Variants in NAALADL2 observed in about 807,000 individuals in gnomAD.
NAALADL2 encodes N-acetylated alpha-linked acidic dipeptidase like 2, also known as inactive N-acetylated-alpha-linked acidic dipeptidase-like protein 2.
Under a neutral mutation model 87.2 loss-of-function variants are expected in NAALADL2, and 76 were observed. The ratio of observed to expected loss-of-function variants is 0.87; its 90% confidence interval spans 0.72 to 1.05. The LOEUF is 1.05. NAALADL2 is among the 50% of genes least tolerant of loss of function. The pLI is 0.00. For synonymous variants in NAALADL2, 354 were observed against 331.0 expected, an observed-to-expected ratio of 1.07 and a Z score of -0.75; for missense variants, 1,089 against 945.8, an observed-to-expected ratio of 1.15 and a Z score of -1.99.
At chr3:174,613,519 C>T (rs1465538447) in intron 2 of NAALADL2, among the ~76,000 whole-genome samples, 2 of 152,194 alleles carry the variant, frequency 1.3e-5, no homozygotes, top group Non-Finnish European at 1.5e-5. Flanking sequence ...TCCACTCTTT[C>T]CTCTTCTTTC....
At chr3:175,308,406 A>G (rs1353499278) in intron 4 of NAALADL2, among the ~76,000 whole-genome samples, 1 of 152,186 alleles carries the variant, frequency 6.6e-6, no homozygotes, top group Non-Finnish European at 1.5e-5. Flanking sequence ...TTAATACAGT[A>G]CCAAAGCAAT....
chr3:175,801,696 T>C (rs7621517), intron 13 of NAALADL2, among the ~76,000 whole-genome samples: 5,962 of 152,160 alleles, frequency 0.039, 396 homozygotes, highest in African/African-American at 0.14. Context: ...CTATAACAAT[T>C]AGAAAAATGT....
At chr3:175,298,056 T>C (rs1302702132) in intron 4 of NAALADL2, among the ~76,000 whole-genome samples, 1 of 152,166 alleles carries the variant, frequency 6.6e-6, no homozygotes, top group Non-Finnish European at 1.5e-5. Context: ...TGTTGAATGA[T>C]AGTTGAATTA....
chr3:175,479,247 A>G (rs747769716), intron 9 of NAALADL2, among the ~76,000 whole-genome samples: 1 of 151,900 alleles, frequency 6.6e-6, no homozygotes, highest in Non-Finnish European at 1.5e-5. Flanking sequence ...ATTTGATTCA[A>G]TGAAAGAAAA....
In NAALADL2 at chr3:175,236,455, A is replaced by T. The variant is rs143670359; in HGVS notation, c.819+2251A>T. On this transcript the variant is annotated intron_variant, in intron 3 of 13. Transcript: ENST00000454872. Reference sequence around the variant, plus strand: ...TCCCAGCTACTCCTGAGGCTGAGGCAGGAGAATCACTGGAGCCCAGGAGGG... The same window carrying T: ...TCCCAGCTACTCCTGAGGCTGAGGCTGGAGAATCACTGGAGCCCAGGAGGG... Among the ~76,000 whole-genome samples the T allele has an allele frequency of 3.2e-3, 488 of 151,002 alleles. 3 individuals carry two copies. Among genetic ancestry groups the T allele is most frequent in the African/African-American group, 0.011 (467 of 41,168 alleles).
chr3:175,183,824 G>T (rs913376930), intron 2 of NAALADL2, among the ~76,000 whole-genome samples: 17 of 152,042 alleles, frequency 1.1e-4, no homozygotes, highest in Non-Finnish European at 5.9e-5. Context: ...TATTTTGATA[G>T]AGTTTGAGTC....
chr3:175,742,692 C>T (rs898186228), intron 12 of NAALADL2, among the ~76,000 whole-genome samples: 13 of 152,136 alleles, frequency 8.5e-5, no homozygotes. Flanking sequence ...CCACCGCGCC[C>T]GGCCCTATGT....
chr3:175,573,210 G>A (rs540160809), intron 9 of NAALADL2, among the ~76,000 whole-genome samples: 2 of 152,280 alleles, frequency 1.3e-5, no homozygotes, highest in South Asian at 2.1e-4. Context: ...GATGTTAAGA[G>A]TTAACGTATG....
chr3:175,016,553 G>GA (rs1019499009), intron 1 of NAALADL2, among the ~76,000 whole-genome samples: 10 of 151,242 alleles, frequency 6.6e-5, no homozygotes, highest in African/African-American at 2.4e-4. Context: ...TGGTCTTTCT[G>GA]AAATGTGCTT....
intron 1 of NAALADL2, among the ~76,000 whole-genome samples, chr3:174,873,773 T>C (rs1356091378): frequency 6.6e-6 from 1 of 151,582 alleles, no homozygotes; most frequent in African/African-American, 2.4e-5. Context: ...CAACAACATC[T>C]AAAGAAACTA....
chr3:174,815,690 C>T (rs532910196), intron 3 of NAALADL2, among the ~76,000 whole-genome samples: 2 of 152,204 alleles, frequency 1.3e-5, no homozygotes, highest in South Asian at 4.1e-4. Flanking sequence ...ACTGATCTGA[C>T]AGCAAATCAT....
chr3:175,125,240 T>C (rs1241388506), intron 2 of NAALADL2, among the ~76,000 whole-genome samples: 1 of 152,040 alleles, frequency 6.6e-6, no homozygotes, highest in Non-Finnish European at 1.5e-5. Context: ...AGCTGGTGGT[T>C]AACATACTGG....
At chr3:175,578,301 T>C (rs1373676064) in intron 10 of NAALADL2, among the ~76,000 whole-genome samples, 2 of 152,036 alleles carry the variant, frequency 1.3e-5, no homozygotes, top group Non-Finnish European at 2.9e-5. Flanking sequence ...CAGGTGCCTA[T>C]AGTCCCAGCT....
chr3:175,585,018 CT>C (rs201205088), intron 10 of NAALADL2, among the ~76,000 whole-genome samples: 1,912 of 151,844 alleles, frequency 0.013, 30 homozygotes, highest in African/African-American at 0.039. Flanking sequence ...ACTTTGTAAA[CT>C]TTTTTTTAAC....
chr3:174,606,359 A>C (rs1719061734), intron 2 of NAALADL2, among the ~76,000 whole-genome samples: 1 of 152,242 alleles, frequency 6.6e-6, no homozygotes, highest in Admixed American at 6.5e-5. Context: ...GCTTCAGACG[A>C]TCAAACTACT....
At position 175,370,806 on chromosome 3, in the gene NAALADL2, A is replaced by G. The variant is rs573241463; in HGVS notation, c.1090+46481A>G. The stretch of plus-strand genomic sequence containing the variant: ...ACACCGTAGTAACTTTTTTTCTTTC[A>G]TTGTTTTCAATAAAAGGGTAATGGA... On this transcript the variant is annotated intron_variant, in intron 5 of 13. Transcript: ENST00000454872. Among the ~76,000 whole-genome samples, 290 of 152,184 alleles carry G rather than the reference A, an allele frequency of 1.9e-3. 2 individuals carry two copies. Among genetic ancestry groups the G allele is most frequent in the African/African-American group, 6.8e-3 (281 of 41,530 alleles).
intron 1 of NAALADL2, among the ~76,000 whole-genome samples, chr3:175,086,719 A>C (rs1306171180): frequency 2.0e-5 from 3 of 152,140 alleles, no homozygotes; most frequent in Non-Finnish European, 2.9e-5. Context: ...TAAATGACAT[A>C]AGAATTGCTC....
chr3:175,175,946 G>A (rs1016208114), intron 2 of NAALADL2, among the ~76,000 whole-genome samples: 5 of 151,910 alleles, frequency 3.3e-5, no homozygotes, highest in African/African-American at 4.8e-5. Flanking sequence ...TTGTATTCAG[G>A]CAGTTATTTA....
intron 11 of NAALADL2, among the ~76,000 whole-genome samples, chr3:175,722,189 C>A (rs373035663): frequency 3.9e-5 from 6 of 152,156 alleles, no homozygotes; most frequent in Non-Finnish European, 8.8e-5. Context: ...TTCTTATCTG[C>A]AAATTGAGGT....
Sources: gnomAD v4.1 joint callset for allele counts (sites outside exome capture counted in the v4.1 genomes callset) on GRCh38, gnomAD v4.1.1 for gene constraint, MANE v1.5 for transcripts, NCBI Gene and HGNC (gene_info 2026-07-23, HGNC 2026-07-21) for gene names.